The following HSD3B7 variants were observed in gnomAD, a reference collection of about 807,000 sequenced individuals.
The protein encoded by HSD3B7 is hydroxy-delta-5-steroid dehydrogenase, 3 beta- and steroid delta-isomerase 7.
A neutral mutation model predicts 34.3 loss-of-function variants in HSD3B7; 35 were observed. The ratio of observed to expected loss-of-function variants is 1.02; its 90% CI spans 0.78 to 1.35. The LOEUF is 1.35. Among genes scored for constraint, HSD3B7 ranks in the 40% most tolerant of loss-of-function variants. HSD3B7 has a pLI of 0.00. For missense variants in HSD3B7, 426 were observed against 504.7 expected, an observed-to-expected ratio of 0.84 and a Z score of 1.49; for synonymous variants, 217 against 220.1, an observed-to-expected ratio of 0.99 and a Z score of 0.13.
chr16:30,987,238 A>G (rs1408824611), intron 6 of HSD3B7: 3 of 563,222 alleles, frequency 5.3e-6, no homozygotes, highest in Non-Finnish European at 9.5e-6. Flanking sequence ...GATTGCAGCT[A>G]TGGGAGCAGC....
Position 30,985,810 on chromosome 16 carries a change from A to T in HSD3B7, c.152A>T (p.Glu51Val). The part of the protein sequence containing the change: ...VFDQHLGPWL[E>V]ELKTGPVRVT... ...GACCAACACCTGGGTCCCTGGCTGG[A>T]GGAGCTGAAGACAGGTTCTTGTTGG... Residue 51 changes from glutamate to valine, a missense_variant, in exon 2 of 7, where the codon GAG becomes GTG. By Grantham distance (121) the Glu-to-Val change is moderately radical. Coordinates refer to ENST00000297679, the MANE Select transcript of HSD3B7 (RefSeq NM_025193.4). 1 of 1,601,148 alleles carries T rather than the reference A, an allele frequency of 6.2e-7. No homozygotes were observed.
At chr16:30,986,810 G>A in intron 5 of HSD3B7, 30 bp from the exon 6 acceptor site, 1 of 1,613,866 alleles carries the variant, frequency 6.2e-7, no homozygotes, top group Non-Finnish European at 8.5e-7. Flanking sequence ...TCGGGTCCCA[G>A]GTCTCAGCAG....
At chr16:30,986,284 C>T (rs1596704646) in intron 3 of HSD3B7, 80 bp downstream of exon 3, 3 of 1,573,886 alleles carry the variant, frequency 1.9e-6, no homozygotes, top group East Asian at 4.7e-5. Context: ...CGGTGACTCC[C>T]CTGGGACAAG....
At position 30,985,552 on chromosome 16, in the gene HSD3B7, C is replaced by A. The variant is rs1016472776; in HGVS notation, c.-6-101C>A. ...CCCAGGATCAGCTCTGCCCTCCCCG[C>A]AAACGCCAGCCTCGTCACCGCTCCA... On this transcript the variant is annotated intron_variant, in intron 1 of 6. Coordinates refer to ENST00000297679, the MANE Select transcript of HSD3B7 (RefSeq NM_025193.4). 4.1e-5 allele frequency: 63 copies of A among 1,531,648 alleles called. No homozygotes were observed. The African/African-American group carries it at 6.2e-4, about 15-fold the overall frequency. 94.9% of individuals were successfully genotyped at this position (1,531,648 alleles called of 1,614,324 possible).
intron 6 of HSD3B7, 181 bp downstream of exon 6, chr16:30,987,183 C>T: frequency 1.5e-6 from 1 of 654,598 alleles, no homozygotes; most frequent in Non-Finnish European, 2.6e-6. Context: ...ATACAGGATC[C>T]ATGCAAGTTG....
intron 3 of HSD3B7, 102 bp downstream of exon 3, chr16:30,986,306 A>G: frequency 1.3e-6 from 2 of 1,555,276 alleles, no homozygotes; most frequent in Non-Finnish European, 1.8e-6. Context: ...TGTCCTATTG[A>G]CAGCCCTGCC....
At chr16:30,987,093 AGT>A in intron 6 of HSD3B7, 91 bp downstream of exon 6, 1 of 1,379,040 alleles carries the variant, frequency 7.3e-7, no homozygotes, top group Non-Finnish European at 9.8e-7. Context: ...CTGGGAGAGA[AGT>A]GTGGACTCTG....
rs2143625755 is a variant in HSD3B7 at position 30,985,792 on chromosome 16, A to G, written c.134A>G (p.His45Arg). 6.2e-7 allele frequency: 1 copy of G among 1,603,090 alleles called. No homozygotes were observed. Among genetic ancestry groups the G allele is most frequent in the South Asian group, 1.1e-5 (1 of 89,300 alleles). The change falls in exon 2 of 7, where the codon CAC (histidine) becomes CGC (arginine). Residue 45 changes from histidine to arginine, a missense_variant. Coordinates refer to ENST00000297679, the MANE Select transcript of HSD3B7 (RefSeq NM_025193.4). Reference sequence around the variant, plus strand: ...GGGGAGCTGCGGGTCTTTGACCAACACCTGGGTCCCTGGCTGGAGGAGCTG... The same window carrying G: ...GGGGAGCTGCGGGTCTTTGACCAACGCCTGGGTCCCTGGCTGGAGGAGCTG... ...RLGELRVFDQHLGPWLEELKT... is the reference protein window; with the variant it reads ...RLGELRVFDQRLGPWLEELKT...
intron 6 of HSD3B7, chr16:30,987,460 A>G (rs1403813081): frequency 6.3e-6 from 3 of 473,262 alleles, no homozygotes; most frequent in Non-Finnish European, 1.2e-5. Flanking sequence ...AACTTTTTTT[A>G]AAGGAAGTAG....
chr16:30,986,340 G>C, intron 3 of HSD3B7, 83 bp from the exon 4 acceptor site: 1 of 1,565,786 alleles, frequency 6.4e-7, no homozygotes, highest in Non-Finnish European at 8.7e-7. Flanking sequence ...ACCTGTCATG[G>C]TTTTCCCTGG....
chr16:30,986,369 G>T, intron 3 of HSD3B7, 54 bp from the exon 4 acceptor site: 1 of 1,578,536 alleles, frequency 6.3e-7, no homozygotes, highest in Non-Finnish European at 8.7e-7. Flanking sequence ...TGGGGAGGAG[G>T]AAGATGCAGA....
intron 6 of HSD3B7, 198 bp from the exon 7 acceptor site, chr16:30,987,570 G>T (rs2056501572): frequency 3.1e-6 from 2 of 648,892 alleles, no homozygotes; most frequent in Non-Finnish European, 5.5e-6. Context: ...CCTCTCCCCA[G>T]GTTCTTTGCA....
intron 6 of HSD3B7, 155 bp downstream of exon 6, chr16:30,987,157 C>T (rs2056493762): frequency 2.8e-6 from 2 of 719,012 alleles, no homozygotes; most frequent in Admixed American, 2.9e-5. Context: ...GATTATGTCT[C>T]CACAGCCTGC....
In HSD3B7 at chr16:30,987,730, A is replaced by C. The variant is rs116807241; in HGVS notation, c.695-38A>C. On this transcript the variant is annotated intron_variant, in intron 6 of 6. Transcript: ENST00000297679. ...AGCCTCGATGTGGTGTTGCAAGGGCACTCAGGGGTGTGTCCGCCTCTCTTC... is the reference window on the plus strand; with the variant it reads ...AGCCTCGATGTGGTGTTGCAAGGGCCCTCAGGGGTGTGTCCGCCTCTCTTC... The C allele has an allele frequency of 1.2e-3, 1,909 of 1,604,252 alleles. 22 individuals carry two copies. In the African/African-American group the frequency reaches 0.023, roughly 19 times the overall value.
intron 1 of HSD3B7, 87 bp downstream of exon 1, chr16:30,985,384 C>T (rs986649611): frequency 8.8e-6 from 12 of 1,356,462 alleles, no homozygotes; most frequent in Non-Finnish European, 1.1e-5. Flanking sequence ...CCACCTCCCT[C>T]AACTCCTGGC....
intron 6 of HSD3B7, 64 bp downstream of exon 6, chr16:30,987,066 GC>G: frequency 6.5e-7 from 1 of 1,540,166 alleles, no homozygotes; most frequent in Non-Finnish European, 8.8e-7. Context: ...CTAGAAGGGG[GC>G]AGGACCCACA....
In HSD3B7 at chr16:30,986,599, C is replaced by T; in HGVS notation, c.432-6C>T. 6.2e-7 allele frequency: 1 copy of T among 1,614,060 alleles called. No homozygotes were observed. Among genetic ancestry groups the T allele is most frequent in the Non-Finnish European group, 8.5e-7 (1 of 1,179,908 alleles). On this transcript the variant is annotated splice_region_variant and splice_polypyrimidine_tract_variant and intron_variant, in intron 4 of 6. Transcript: ENST00000297679. ...CAGCATTGAGTCTTCCTTCTCCTCC[C>T]ACCAGGGGCAACGAAGACACCCCAT...
chr16:30,987,273 G>A (rs1270104443), intron 6 of HSD3B7: 5 of 513,690 alleles, frequency 9.7e-6, no homozygotes, highest in African/African-American at 1.9e-5. Flanking sequence ...GGAGAGGAGA[G>A]GGACAGTGTG....
chr16:30,988,801 T>C lies in HSD3B7; in HGVS notation c.*618T>C, dbSNP rs1231122618. 4 of 153,242 alleles carry C rather than the reference T, an allele frequency of 2.6e-5. No homozygotes were observed. The highest frequency in any genetic ancestry group is 5.8e-5 in the Non-Finnish European group (4 of 68,800). 9.5% of individuals were successfully genotyped at this position (153,242 alleles called of 1,614,324 possible). On this transcript the variant is annotated 3_prime_UTR_variant, in exon 7 of 7. Coordinates refer to ENST00000297679, the MANE Select transcript of HSD3B7 (RefSeq NM_025193.4). The stretch of plus-strand genomic sequence containing the variant: ...GTGAGTGTCTGGTGCCCTGGTGGCC[T>C]GCCCCAGCTCTCTTCTGGCTTTCTG...
Sources: gnomAD v4.1 joint callset for allele counts on GRCh38, gnomAD v4.1.1 for gene constraint, MANE v1.5 for transcripts, NCBI Gene and HGNC (gene_info 2026-07-23, HGNC 2026-07-21) for gene names.